ARHGAP32: variants seen among roughly 807,000 people sequenced by gnomAD.
The protein encoded by ARHGAP32 is Rho GTPase activating protein 32, also known as rho GTPase-activating protein 32.
In ARHGAP32, 51 loss-of-function variants were observed where a neutral mutation model predicts 186.5. The ratio of observed to expected loss-of-function variants is 0.27; its 90% CI spans 0.22 to 0.35. The LOEUF is 0.35. ARHGAP32 is among the 10% of genes least tolerant of loss of function. The pLI, the probability that ARHGAP32 is intolerant of heterozygous loss-of-function variation, is 1.00. For synonymous variants in ARHGAP32, 950 were observed against 964.3 expected (o/e 0.99, Z 0.27); for missense variants, 2,186 against 2,623.5 (o/e 0.83, Z 3.64).
chr11:129,103,287 A>T (rs144590396), intron 5 of ARHGAP32, among the ~76,000 whole-genome samples: 2 of 152,194 alleles, frequency 1.3e-5, no homozygotes, highest in Non-Finnish European at 2.9e-5. Context: ...TTTTAAGAGC[A>T]AACTGGCAAC....
At chr11:129,159,030 C>A (rs1385670168) in intron 2 of ARHGAP32, among the ~76,000 whole-genome samples, 4 of 152,076 alleles carry the variant, frequency 2.6e-5, no homozygotes, top group African/African-American at 4.8e-5. Flanking sequence ...ACACAACATA[C>A]CAGAATTTCT....
At chr11:129,093,522 T>C in intron 6 of ARHGAP32, 99 bp downstream of exon 6, 1 of 804,974 alleles carries the variant, frequency 1.2e-6, no homozygotes. Context: ...TTCTGTGGAT[T>C]ATATCCTTTA....
chr11:128,970,322 G>C lies in ARHGAP32; in HGVS notation c.4891C>G (p.Leu1631Val). Residue 1631 changes from leucine to valine, a missense_variant, in exon 23 of 23, where the codon CTG becomes GTG. This residue lies in a region of ARHGAP32 where 1,502 missense variants were observed against 1,570.0 expected (regional missense o/e 0.96). Coordinates refer to ENST00000682385, the MANE Select transcript of ARHGAP32 (RefSeq NM_001378024.1). The surrounding 1 kb of genome is among the most constrained non-coding windows in gnomAD (Gnocchi z 5.8). ...GACTGATATGGCTTATATTGGTACAGAGGTCTTGGGCAGTAGGCTGGCTCA... is the reference window on the plus strand; with the variant it reads ...GACTGATATGGCTTATATTGGTACACAGGTCTTGGGCAGTAGGCTGGCTCA... Reference protein sequence around the residue: ...DDEPAYCPRPLYQYKPYQSSQ... With the variant: ...DDEPAYCPRPVYQYKPYQSSQ... 6.8e-6 allele frequency: 11 copies of C among 1,614,218 alleles called. No homozygotes were observed. The highest frequency in any genetic ancestry group is 9.3e-6 in the Non-Finnish European group (11 of 1,180,032).
At chr11:129,086,063 T>C (rs1941383998) in intron 6 of ARHGAP32, among the ~76,000 whole-genome samples, 1 of 147,616 alleles carries the variant, frequency 6.8e-6, no homozygotes, top group Non-Finnish European at 1.5e-5. Flanking sequence ...CAAGACAGCA[T>C]GGTGTTGCCA....
chr11:129,171,663 T>G (rs1478101338), intron 1 of ARHGAP32, among the ~76,000 whole-genome samples: 1 of 152,210 alleles, frequency 6.6e-6, no homozygotes, highest in Non-Finnish European at 1.5e-5. Flanking sequence ...GGGTCTTCTT[T>G]GATTTCATAT....
Position 129,199,394 on chromosome 11 carries a change from T to C in ARHGAP32, c.-4-34967A>G, listed in dbSNP as rs763024116. On this transcript the variant is annotated intron_variant, in intron 1 of 6. Coordinates refer to the ARHGAP32 transcript ENST00000525234. ...CAGAGGCCTAGGAAGAAAAATGGTTTCATGGGCCAGGCCCAGGGCCCCCTG... is the reference window on the plus strand; with the variant it reads ...CAGAGGCCTAGGAAGAAAAATGGTTCCATGGGCCAGGCCCAGGGCCCCCTG... Among the ~76,000 whole-genome samples the C allele has an allele frequency of 4.6e-5, 7 of 152,352 alleles. No individual in the cohort carries two copies. The South Asian group carries it at 6.2e-4, about 14-fold the overall frequency.
intron 11 of ARHGAP32, among the ~76,000 whole-genome samples, chr11:129,034,384 G>A (rs1939237942): frequency 6.6e-6 from 1 of 152,098 alleles, no homozygotes; most frequent in Admixed American, 6.5e-5. Context: ...AGGGAAGGTT[G>A]CCTAAATCAC....
Position 128,977,608 on chromosome 11 carries a change from T to C in ARHGAP32, c.2123-974A>G, listed in dbSNP as rs145437677. Reference sequence around the variant, plus strand: ...CCTTGAAAACCCATATCAAAGGTTGTTATTTCCTAACCACTAGTCCCTCCT... The same window carrying C: ...CCTTGAAAACCCATATCAAAGGTTGCTATTTCCTAACCACTAGTCCCTCCT... On this transcript the variant is annotated intron_variant, in intron 19 of 22. Transcript: ENST00000682385. Among the ~76,000 whole-genome samples the C allele has an allele frequency of 1.1e-4, 17 of 152,248 alleles. No individual in the cohort carries two copies. The East Asian group carries it at 3.1e-3, about 28-fold the overall frequency.
At chr11:129,024,123 C>G in intron 11 of ARHGAP32, 1 of 985,462 alleles carries the variant, frequency 1.0e-6, no homozygotes, top group African/African-American at 1.7e-5. Context: ...TGGAGCCCAG[C>G]AAGCCAGCAA....
At chr11:129,271,926 A>T (rs1945478014) in intron 1 of ARHGAP32, among the ~76,000 whole-genome samples, 1 of 151,414 alleles carries the variant, frequency 6.6e-6, no homozygotes, top group African/African-American at 2.4e-5. Context: ...GGATGACTCC[A>T]GGGGTTCTGG....
chr11:129,040,791 C>A, intron 11 of ARHGAP32, 137 bp downstream of exon 11: 3 of 595,124 alleles, frequency 5.0e-6, no homozygotes, highest in South Asian at 2.4e-5. Flanking sequence ...AAATCAAAAC[C>A]ATATAAAATT....
At chr11:129,242,247 G>C in intron 1 of ARHGAP32, among the ~76,000 whole-genome samples, 1 of 152,090 alleles carries the variant, frequency 6.6e-6, no homozygotes, top group East Asian at 1.9e-4. Flanking sequence ...ACTCAACCCC[G>C]CAAGTGATAC....
intron 7 of ARHGAP32, among the ~76,000 whole-genome samples, chr11:129,066,280 T>C (rs1940686383): frequency 6.6e-6 from 1 of 152,132 alleles, no homozygotes; most frequent in South Asian, 2.1e-4. Context: ...ATGGTACTTT[T>C]GGTTTAATGA....
At chr11:129,050,986 G>A (rs2135079088) in intron 10 of ARHGAP32, among the ~76,000 whole-genome samples, 1 of 152,146 alleles carries the variant, frequency 6.6e-6, no homozygotes, top group East Asian at 1.9e-4. Context: ...CTTTTTTTAT[G>A]GCTGCATAGT....
chr11:129,178,517 A>G (rs1365379001), intron 1 of ARHGAP32, among the ~76,000 whole-genome samples: 121 of 152,210 alleles, frequency 7.9e-4, no homozygotes, highest in African/African-American at 2.8e-3. Flanking sequence ...AAAGCCGGAG[A>G]CATCACACTA....
chr11:129,009,909 G>A (rs909074178), intron 11 of ARHGAP32, among the ~76,000 whole-genome samples: 12 of 152,310 alleles, frequency 7.9e-5, no homozygotes, highest in South Asian at 4.1e-4. Context: ...CTTCTGCAAT[G>A]GTTGAACTAA....
intron 12 of ARHGAP32, 91 bp from the exon 13 acceptor site, chr11:128,988,216 T>A: frequency 3.2e-6 from 3 of 929,972 alleles, no homozygotes; most frequent in Non-Finnish European, 4.8e-6. Flanking sequence ...TTTACAAAAG[T>A]AAAATAAAAT....
chr11:129,017,832 T>G (rs540049298), intron 11 of ARHGAP32, among the ~76,000 whole-genome samples: 407 of 152,296 alleles, frequency 2.7e-3, no homozygotes, highest in African/African-American at 9.3e-3. Flanking sequence ...TTGGGTTTGT[T>G]GGGTAGAAAC....
chr11:129,032,135 G>A (rs1456576260), intron 11 of ARHGAP32, among the ~76,000 whole-genome samples: 2 of 152,212 alleles, frequency 1.3e-5, no homozygotes, highest in Non-Finnish European at 2.9e-5. Flanking sequence ...AAGTGCAAGA[G>A]GCTGTCACAC....
Sources: allele counts gnomAD v4.1 joint callset (sites outside exome capture counted in the v4.1 genomes callset), GRCh38; gene constraint gnomAD v4.1.1; regional missense constraint gnomAD v4.1.1; non-coding constraint Gnocchi (gnomAD v3.1); transcripts MANE v1.5; gene names NCBI Gene and HGNC (gene_info 2026-07-23, HGNC 2026-07-21).